NRXN3: variants seen among roughly 807,000 people sequenced by gnomAD.
NRXN3 encodes neurexin III.
A neutral mutation model predicts 137.6 loss-of-function variants in NRXN3; 32 were observed. That is an observed-to-expected ratio of 0.23 (90% CI 0.18 to 0.31). The LOEUF (loss-of-function observed/expected upper bound fraction) is 0.31, where lower values mean the gene tolerates loss of function less well. Ranked by LOEUF, NRXN3 falls within the 10% of genes least tolerant of loss-of-function variation. The pLI is 1.00. For synonymous variants in NRXN3, 798 were observed against 784.5 expected (o/e 1.02, Z -0.29); for missense variants, 1,574 against 2,062.5 (o/e 0.76, Z 4.59).
chr14:78,382,576 C>T (rs2089310923), intron 4 of NRXN3, among the ~76,000 whole-genome samples: 1 of 152,186 alleles, frequency 6.6e-6, no homozygotes, highest in African/African-American at 2.4e-5. Context: ...CTGGAAGAGA[C>T]TGAAGTAGTG....
intron 15 of NRXN3, among the ~76,000 whole-genome samples, chr14:79,202,280 A>G (rs747728647): frequency 2.0e-5 from 3 of 151,922 alleles, no homozygotes; most frequent in Non-Finnish European, 4.4e-5. Context: ...TTGCTCTCAT[A>G]TTGTCTTTGT....
chr14:79,754,084 G>T (rs1253033837), intron 19 of NRXN3, among the ~76,000 whole-genome samples: 1 of 152,050 alleles, frequency 6.6e-6, no homozygotes, highest in Non-Finnish European at 1.5e-5. Flanking sequence ...CACTTTGGGA[G>T]GCCGAGGCAG....
chr14:79,202,117 A>G (rs565150374), intron 15 of NRXN3, among the ~76,000 whole-genome samples: 3 of 150,814 alleles, frequency 2.0e-5, no homozygotes, highest in Admixed American at 1.3e-4. Flanking sequence ...TTATTGAGCT[A>G]GAGCTTGAGG....
chr14:79,024,494 C>T (rs2099594983), intron 15 of NRXN3, among the ~76,000 whole-genome samples: 1 of 152,094 alleles, frequency 6.6e-6, no homozygotes, highest in Non-Finnish European at 1.5e-5. Context: ...AATACATGCA[C>T]ACACAGAACA....
At chr14:78,507,687 A>T (rs1299955648) in intron 4 of NRXN3, among the ~76,000 whole-genome samples, 1 of 152,182 alleles carries the variant, frequency 6.6e-6, no homozygotes, top group African/African-American at 2.4e-5. Context: ...ACTGTAATGA[A>T]AATGTGGCTG....
chr14:79,843,818 T>C (rs73336361), intron 20 of NRXN3, among the ~76,000 whole-genome samples: 1,970 of 152,256 alleles, frequency 0.013, 57 homozygotes, highest in African/African-American at 0.045. Flanking sequence ...GGATAAGTTC[T>C]GTAGTGGTGA....
intron 15 of NRXN3, among the ~76,000 whole-genome samples, chr14:79,393,631 G>T (rs1197701024): frequency 6.6e-6 from 1 of 152,100 alleles, no homozygotes; most frequent in South Asian, 2.1e-4. Context: ...TGGCTAACAC[G>T]GTGAAACCCT....
intron 4 of NRXN3, among the ~76,000 whole-genome samples, chr14:78,568,098 C>T (rs1239353498): frequency 6.6e-6 from 1 of 152,122 alleles, no homozygotes; most frequent in Non-Finnish European, 1.5e-5. Context: ...GCAGTGGATG[C>T]TGGTAGGGGA....
chr14:78,277,800 A>G (rs2073821133), intron 2 of NRXN3, among the ~76,000 whole-genome samples: 1 of 152,136 alleles, frequency 6.6e-6, no homozygotes, highest in African/African-American at 2.4e-5. Flanking sequence ...TATGTTGTTC[A>G]TGGGGCTGAT....
rs1340449048 is a variant in NRXN3, at chr14:79,428,011, T to C, written c.3263-39210T>C. 2.0e-5 allele frequency among the ~76,000 whole-genome samples: 3 copies of C among 151,854 alleles called. No homozygotes were observed. The East Asian group carries it at 5.8e-4, about 29-fold the overall frequency. On this transcript the variant is annotated intron_variant, in intron 15 of 20. Coordinates refer to ENST00000335750, the MANE Select transcript of NRXN3 (RefSeq NM_001330195.2). ...TGTGTGTGTGCGTGTGTGTGTGTGT[T>C]TCGATCTGTGTGTGTTGGTGGGTGA...
chr14:79,806,237 T>C (rs533284368), intron 20 of NRXN3, among the ~76,000 whole-genome samples: 80 of 152,284 alleles, frequency 5.3e-4, no homozygotes, highest in African/African-American at 1.9e-3. Flanking sequence ...AAAAATTCTC[T>C]TTTGCTAATT....
rs1455886207 is a variant in NRXN3 at position 79,815,454 on chromosome 14, G to C, written c.4093+10264G>C. Among the ~76,000 whole-genome samples, 3 of 152,108 alleles carry C rather than the reference G, an allele frequency of 2.0e-5. No homozygotes were observed. In the East Asian group the frequency reaches 5.8e-4, roughly 29 times the overall value. Reference sequence around the variant, plus strand: ...TGATGAGATCTTTCAGTCAGGCCAGGGTAGCTATTGGTTTTTCTTAAGGGT... The same window carrying C: ...TGATGAGATCTTTCAGTCAGGCCAGCGTAGCTATTGGTTTTTCTTAAGGGT... On this transcript the variant is annotated intron_variant, in intron 20 of 20. Transcript: ENST00000335750.
intron 19 of NRXN3, among the ~76,000 whole-genome samples, chr14:79,749,170 T>C (rs1325398830): frequency 6.6e-6 from 1 of 152,076 alleles, no homozygotes; most frequent in Non-Finnish European, 1.5e-5. Flanking sequence ...TTAATCGTCT[T>C]GGGCATTGTT....
chr14:78,306,677 T>A (rs554842891), intron 4 of NRXN3, among the ~76,000 whole-genome samples: 1 of 152,164 alleles, frequency 6.6e-6, no homozygotes, highest in East Asian at 1.9e-4. Flanking sequence ...ATTGTGTTTT[T>A]ATGTGTAGTT....
rs375722562 is a variant in NRXN3, at chr14:78,376,801, G to T, written c.757+78941G>T. Reference sequence around the variant, plus strand: ...TTTGACAATTATATAATTAACAGGGGTAGGTAAAGGGAGATAAATTTCATT... The same window carrying T: ...TTTGACAATTATATAATTAACAGGGTTAGGTAAAGGGAGATAAATTTCATT... On this transcript the variant is annotated intron_variant, in intron 4 of 20. Coordinates refer to ENST00000335750, the MANE Select transcript of NRXN3 (RefSeq NM_001330195.2). Among the ~76,000 whole-genome samples the T allele has an allele frequency of 7.9e-5, 12 of 152,286 alleles. No individual in the cohort carries two copies. In the East Asian group the frequency reaches 1.7e-3, roughly 22 times the overall value.
intron 4 of NRXN3, among the ~76,000 whole-genome samples, chr14:78,470,549 G>A: frequency 6.6e-6 from 1 of 152,024 alleles, no homozygotes; most frequent in East Asian, 1.9e-4. Context: ...TTTCATGTCA[G>A]TCTTGTATAT....
intron 10 of NRXN3, among the ~76,000 whole-genome samples, chr14:78,897,354 T>C (rs1282335277): frequency 6.6e-5 from 10 of 152,026 alleles, no homozygotes; most frequent in Middle Eastern, 3.4e-3. Flanking sequence ...ATTGCTTTTT[T>C]TTTCTTTCTT....
chr14:78,785,830 C>T (rs182142711), intron 8 of NRXN3, among the ~76,000 whole-genome samples: 10 of 152,188 alleles, frequency 6.6e-5, no homozygotes, highest in African/African-American at 1.9e-4. Flanking sequence ...ATAAATGAAT[C>T]GAGACACAGT....
chr14:78,740,546 T>C (rs1457692531), intron 8 of NRXN3, among the ~76,000 whole-genome samples: 1 of 147,550 alleles, frequency 6.8e-6, no homozygotes, highest in Non-Finnish European at 1.5e-5. Flanking sequence ...TTTCTTTTCT[T>C]TTTTTTTTTT....
Sources: allele counts gnomAD v4.1 joint callset (sites outside exome capture counted in the v4.1 genomes callset), GRCh38; gene constraint gnomAD v4.1.1; transcripts MANE v1.5; gene names NCBI Gene and HGNC (gene_info 2026-07-23, HGNC 2026-07-21).